Variants in SNTG2 observed in about 807,000 individuals in gnomAD.
SNTG2 encodes the protein gamma-2-syntrophin.
In SNTG2, 74 loss-of-function variants were observed where a neutral mutation model predicts 70.9. That is an observed-to-expected ratio of 1.04 (90% CI 0.86 to 1.27). The LOEUF (loss-of-function observed/expected upper bound fraction) is 1.27. Among genes scored for constraint, SNTG2 ranks in the 50% most tolerant of loss-of-function variants. SNTG2 has a pLI of 0.00. For synonymous variants in SNTG2, 278 were observed against 273.8 expected (o/e 1.02, Z -0.15); for missense variants, 717 against 690.7 (o/e 1.04, Z -0.43).
intron 1 of SNTG2, among the ~76,000 whole-genome samples, chr2:991,376 C>CACACACAT (rs549711954): frequency 0.065 from 9,512 of 145,578 alleles, 479 homozygotes; most frequent in South Asian, 0.18. Flanking sequence ...TAATATTACA[C>CACACACAT]ACACACACAC....
At chr2:1,293,157 C>CTTTTTTTTTTTTTTTTTTTTTTCTTT in intron 14 of SNTG2, among the ~76,000 whole-genome samples, 1 of 130,988 alleles carries the variant, frequency 7.6e-6, no homozygotes, top group South Asian at 2.4e-4. Context: ...TACTCTGTTA[C>CTTTTTTTTTTTTTTTTTTTTTTCTTT]TTTTTTTTTT....
intron 16 of SNTG2, among the ~76,000 whole-genome samples, chr2:1,355,269 C>T (rs1355937882): frequency 6.6e-6 from 1 of 152,230 alleles, no homozygotes; most frequent in Non-Finnish European, 1.5e-5. Context: ...GTGTTAACGA[C>T]ATCCACGTTG....
At chr2:1,290,562 C>T (rs1335985654) in intron 14 of SNTG2, among the ~76,000 whole-genome samples, 1 of 152,214 alleles carries the variant, frequency 6.6e-6, no homozygotes, top group Non-Finnish European at 1.5e-5. Context: ...AATCCACCCA[C>T]CTTGGCCTCC....
intron 1 of SNTG2, among the ~76,000 whole-genome samples, chr2:1,018,836 A>G (rs759947960): frequency 2.6e-5 from 4 of 152,230 alleles, no homozygotes; most frequent in Non-Finnish European, 4.4e-5. Context: ...GGGCCATCAC[A>G]TTACAGCCCC....
chr2:1,105,372 A>G (rs1365212954), intron 4 of SNTG2, among the ~76,000 whole-genome samples: 1 of 152,170 alleles, frequency 6.6e-6, no homozygotes, highest in African/African-American at 2.4e-5. Context: ...GATGTTCTGC[A>G]TGAGGTCCAC....
chr2:1,243,674 A>G (rs372465975), intron 11 of SNTG2, among the ~76,000 whole-genome samples: 59 of 152,324 alleles, frequency 3.9e-4, no homozygotes, highest in African/African-American at 1.4e-3. Flanking sequence ...TTTCCTATTC[A>G]TAGTTCATCC....
intron 7 of SNTG2, among the ~76,000 whole-genome samples, chr2:1,166,038 C>CT (rs1483847252): frequency 6.6e-6 from 1 of 152,136 alleles, no homozygotes; most frequent in Non-Finnish European, 1.5e-5. Flanking sequence ...TATGAAGTCC[C>CT]TGACATATTT....
At chr2:1,116,308 T>C (rs1275053421) in intron 4 of SNTG2, among the ~76,000 whole-genome samples, 3 of 152,176 alleles carry the variant, frequency 2.0e-5, no homozygotes, top group Non-Finnish European at 4.4e-5. Context: ...CCTGACAACA[T>C]TGGAAAGGAA....
intron 1 of SNTG2, among the ~76,000 whole-genome samples, chr2:1,018,284 G>T (rs927367602): frequency 2.0e-5 from 3 of 152,174 alleles, no homozygotes; most frequent in African/African-American, 7.2e-5. Flanking sequence ...AAGTAGTGAG[G>T]AGACAAGCAG....
chr2:1,157,137 T>G (rs1669951726), intron 6 of SNTG2, among the ~76,000 whole-genome samples: 1 of 152,178 alleles, frequency 6.6e-6, no homozygotes, highest in Non-Finnish European at 1.5e-5. Context: ...TCTTCCTGAC[T>G]CGGCCCCTTC....
At chr2:1,069,507 A>C (rs1663383443) in intron 1 of SNTG2, among the ~76,000 whole-genome samples, 2 of 151,818 alleles carry the variant, frequency 1.3e-5, no homozygotes, top group South Asian at 4.1e-4. Flanking sequence ...AAAAAACAAA[A>C]ACAGGCTGGG....
At chr2:1,168,690 C>T (rs140902433) in intron 7 of SNTG2, among the ~76,000 whole-genome samples, 2 of 152,164 alleles carry the variant, frequency 1.3e-5, no homozygotes, top group Non-Finnish European at 2.9e-5. Flanking sequence ...TTAGGAAAAT[C>T]GATCTTCCTG....
At chr2:1,279,595 G>GT (rs928935476) in intron 14 of SNTG2, among the ~76,000 whole-genome samples, 12 of 152,150 alleles carry the variant, frequency 7.9e-5, no homozygotes, top group African/African-American at 1.2e-4. Context: ...GGTTTGTGCT[G>GT]TTTTTTTGTA....
intron 15 of SNTG2, among the ~76,000 whole-genome samples, chr2:1,313,858 T>G (rs921055054): frequency 2.0e-5 from 3 of 152,082 alleles, no homozygotes; most frequent in Non-Finnish European, 2.9e-5. Flanking sequence ...ATGGTAAAAT[T>G]AGGACATAAT....
intron 1 of SNTG2, among the ~76,000 whole-genome samples, chr2:988,915 A>G (rs1471088822): frequency 6.6e-6 from 1 of 152,202 alleles, no homozygotes; most frequent in African/African-American, 2.4e-5. Context: ...GAATTCTACC[A>G]GCCATGTTTT....
rs148778467 is a variant in SNTG2, at chr2:1,029,749, C to T, written c.73-53769C>T. On this transcript the variant is annotated intron_variant, in intron 1 of 16. Transcript: ENST00000308624. ...GCCATCTCATCCTCTGCTAAGTCAG[C>T]CCTGACTCTTCTTAGACCTTGATGC... Among the ~76,000 whole-genome samples the T allele has an allele frequency of 6.9e-3, 1,047 of 152,306 alleles. 8 individuals are homozygous for T. Among genetic ancestry groups the T allele is most frequent in the South Asian group, 0.02 (97 of 4,834 alleles).
At chr2:1,051,402 C>G (rs1433974577) in intron 1 of SNTG2, among the ~76,000 whole-genome samples, 1 of 152,136 alleles carries the variant, frequency 6.6e-6, no homozygotes, top group Non-Finnish European at 1.5e-5. Context: ...TATTAAAAGG[C>G]TTTAGGTAAC....
chr2:1,060,528 G>A lies in SNTG2; in HGVS notation c.73-22990G>A, dbSNP rs149168990. ...CCTTCTTCTTCACAAAAGGGAACCA[G>A]GGCCCCTGAGGACAGTCTGGCTCCA... On this transcript the variant is annotated intron_variant, in intron 1 of 16. Transcript: ENST00000308624. Among the ~76,000 whole-genome samples the A allele has an allele frequency of 5.9e-5, 9 of 152,278 alleles. No homozygotes were observed. In the East Asian group the frequency reaches 1.2e-3, roughly 20 times the overall value.
chr2:972,085 T>C (rs1419608135), intron 1 of SNTG2, among the ~76,000 whole-genome samples: 2 of 152,184 alleles, frequency 1.3e-5, no homozygotes, highest in African/African-American at 4.8e-5. Context: ...GAGTTTCTAA[T>C]ATGTGCAGAT....
Sources: allele counts gnomAD v4.1 joint callset (sites outside exome capture counted in the v4.1 genomes callset), GRCh38; gene constraint gnomAD v4.1.1; transcripts MANE v1.5; gene names NCBI Gene and HGNC (gene_info 2026-07-23, HGNC 2026-07-21).